Variants in HMCN1 observed in about 807,000 individuals in gnomAD.
The protein encoded by HMCN1 is hemicentin 1, also known as hemicentin-1.
In HMCN1, 321 loss-of-function variants were observed where a neutral mutation model predicts 625.9. The ratio of observed to expected loss-of-function variants is 0.51; its 90% confidence interval spans 0.47 to 0.56. The LOEUF (loss-of-function observed/expected upper bound fraction) is 0.56, where lower values mean the gene tolerates loss of function less well. Ranked by LOEUF, HMCN1 falls within the 20% of genes least tolerant of loss-of-function variation. The pLI is 0.00. For missense variants in HMCN1, 6,588 were observed against 6,887.3 expected (o/e 0.96, Z 1.54); for synonymous variants, 2,425 against 2,417.6 (o/e 1.00, Z -0.09).
chr1:186,166,717 C>CT, intron 99 of HMCN1, 91 bp from the exon 100 acceptor site: 1 of 1,579,486 alleles, frequency 6.3e-7, no homozygotes, highest in Non-Finnish European at 8.7e-7. Flanking sequence ...TTCAAGGGTC[C>CT]TTCACTGCTT....
intron 46 of HMCN1, among the ~76,000 whole-genome samples, chr1:186,060,711 G>C (rs1480514027): frequency 1.3e-5 from 2 of 152,110 alleles, no homozygotes. Flanking sequence ...AAAGCTGGTA[G>C]TCTTCATTCT....
In HMCN1 at chr1:186,063,067, C is replaced by CATATATATATATATAT. The variant is rs775036108; in HGVS notation, c.7513+488_7513+503dup. On this transcript the variant is annotated intron_variant, in intron 48 of 106. Coordinates refer to ENST00000271588, the MANE Select transcript of HMCN1 (RefSeq NM_031935.3). ...GTGTGTGTGTGTGTGTGTGTGTGTGCATATATATATATATATATATATATA... is the reference window on the plus strand; with the variant it reads ...GTGTGTGTGTGTGTGTGTGTGTGTGCATATATATATATATATATATATATATATATATATATATATA... 4.0e-3 allele frequency among the ~76,000 whole-genome samples: 242 copies of CATATATATATATATAT among 59,798 alleles called. 13 individuals carry two copies. Among genetic ancestry groups the CATATATATATATATAT allele is most frequent in the African/African-American group, 9.4e-3 (98 of 10,456 alleles). 39.2% of individuals were successfully genotyped at this position (59,798 alleles called of 152,430 possible).
At position 186,067,935 on chromosome 1, in the gene HMCN1, C is replaced by T; in HGVS notation, c.7807C>T (p.Pro2603Ser). The T allele has an allele frequency of 1.2e-6, 2 of 1,613,282 alleles. No individual in the cohort carries two copies. The highest frequency in any genetic ancestry group is 1.7e-6 in the Non-Finnish European group (2 of 1,179,294). Reference protein sequence around the residue: ...TSLVCEAYSYPPATITWFKDG... With the variant: ...TSLVCEAYSYSPATITWFKDG... ...TTTGGTCTGTGAAGCTTATTCATAT[C>T]CTCCAGCTACCATCACCTGGTTTAA... Residue 2603 changes from proline (P) to serine (S), a missense_variant, in exon 50 of 107, where the codon CCT becomes TCT. By Grantham distance (74) the Pro-to-Ser change is moderately conservative. Coordinates refer to ENST00000271588, the MANE Select transcript of HMCN1 (RefSeq NM_031935.3).
chr1:186,187,786 A>G (rs1653437627), intron 105 of HMCN1, 97 bp from the exon 106 acceptor site: 1 of 1,500,336 alleles, frequency 6.7e-7, no homozygotes, highest in East Asian at 2.3e-5. Flanking sequence ...GGAGAAGGCT[A>G]GCCCTCCACA....
chr1:186,108,533 AATGCAAGTCAG>A lies in HMCN1; in HGVS notation c.10931_10941del (p.Lys3644SerfsTer36), dbSNP rs1325661658. 24 of 1,614,142 alleles carry A rather than the reference AATGCAAGTCAG, an allele frequency of 1.5e-5. No individual in the cohort carries two copies. Among genetic ancestry groups the A allele is most frequent in the Non-Finnish European group, 2.0e-5 (24 of 1,180,014 alleles). The stretch of plus-strand genomic sequence containing the variant: ...TTACGGAACAGACAAGTGACATTGG[AATGCAAGTCAG>A]ATGCAGTGCCCCCACCTGTAATTAC... On this transcript the variant is annotated frameshift_variant, in exon 71 of 107. Coordinates refer to ENST00000271588, the MANE Select transcript of HMCN1 (RefSeq NM_031935.3). LOFTEE classifies it high-confidence loss of function.
chr1:185,931,449 T>C (rs546347183), intron 10 of HMCN1, among the ~76,000 whole-genome samples: 3 of 152,312 alleles, frequency 2.0e-5, no homozygotes, highest in South Asian at 4.1e-4. Context: ...GTGTATAATA[T>C]TTATTGTCTT....
chr1:185,933,919 T>A, intron 11 of HMCN1, 95 bp downstream of exon 11: 9 of 917,728 alleles, frequency 9.8e-6, no homozygotes, highest in Non-Finnish European at 1.6e-5. Flanking sequence ...AGAGTGAGAG[T>A]ATCTACCCAA....
rs183383010 is a variant in HMCN1, at chr1:185,970,822, C to A, written c.2371+329C>A. Among the ~76,000 whole-genome samples the A allele has an allele frequency of 5.9e-5, 9 of 152,076 alleles. No homozygotes were observed. In the East Asian group the frequency reaches 1.7e-3, roughly 30 times the overall value. On this transcript the variant is annotated intron_variant, in intron 15 of 106. Transcript: ENST00000271588. ...TGCAGGCGCCTGCCACCATGCCCAG[C>A]TATTTTTTTGTATTTTTAGTAGAGG...
chr1:185,888,819 A>G (rs1664849621), intron 4 of HMCN1, among the ~76,000 whole-genome samples: 1 of 145,284 alleles, frequency 6.9e-6, no homozygotes, highest in African/African-American at 2.8e-5. Context: ...TATGAACTTT[A>G]AAGTAGTTTT....
At chr1:185,941,520 T>C (rs1356851398) in intron 11 of HMCN1, among the ~76,000 whole-genome samples, 2 of 152,184 alleles carry the variant, frequency 1.3e-5, no homozygotes, top group East Asian at 3.9e-4. Flanking sequence ...GTCCTTTAAA[T>C]TCTTTCTGAA....
At chr1:186,087,744 G>T (rs1571333694) in intron 60 of HMCN1, 99 bp downstream of exon 60, 4 of 1,294,356 alleles carry the variant, frequency 3.1e-6, no homozygotes, top group Middle Eastern at 1.8e-4. Context: ...AGTGAAAAAT[G>T]ATTTTCATTA....
chr1:186,156,191 T>G (rs1216074081), intron 97 of HMCN1, among the ~76,000 whole-genome samples: 2 of 152,156 alleles, frequency 1.3e-5, no homozygotes, highest in African/African-American at 4.8e-5. Context: ...CAGGAATATA[T>G]AAATTTAACT....
chr1:186,162,977 C>CTG (rs1347344542), intron 97 of HMCN1, among the ~76,000 whole-genome samples: 2 of 152,174 alleles, frequency 1.3e-5, no homozygotes, highest in African/African-American at 2.4e-5. Context: ...GAGGTTATTG[C>CTG]TCTTTTTGTT....
intron 3 of HMCN1, among the ~76,000 whole-genome samples, chr1:185,865,261 A>G (rs890254789): frequency 1.3e-5 from 2 of 152,204 alleles, no homozygotes; most frequent in African/African-American, 4.8e-5. Context: ...AAATGGAAAT[A>G]CACAAGCCCT....
chr1:186,076,370 C>T, intron 53 of HMCN1, 58 bp from the exon 54 acceptor site: 1 of 1,488,636 alleles, frequency 6.7e-7, no homozygotes, highest in African/African-American at 1.4e-5. Context: ...GAAAACACAG[C>T]CAAGATCTTT....
intron 1 of HMCN1, among the ~76,000 whole-genome samples, chr1:185,746,605 C>CTTTTT (rs59992589): frequency 7.6e-6 from 1 of 132,354 alleles, no homozygotes; most frequent in African/African-American, 2.9e-5. Context: ...TTTCCTTTTC[C>CTTTTT]TTTTTTTTTT....
In HMCN1 at chr1:186,178,318, T is replaced by A. The variant is rs1652724238; in HGVS notation, c.15944-98T>A. On this transcript the variant is annotated intron_variant, in intron 103 of 106. Transcript: ENST00000271588. ...TGCCTGGCTTTGGAGGGTAACAATG[T>A]CTTCAGTTTGTTTCACAGACTCATT... 3.4e-6 allele frequency: 3 copies of A among 886,264 alleles called. No homozygotes were observed. The African/African-American group carries it at 5.0e-5, about 15-fold the overall frequency. The allele number at this position is 886,264 out of a possible 1,614,324, so 54.9% of individuals were successfully genotyped here.
At chr1:185,850,288 C>T (rs1432724691) in intron 2 of HMCN1, among the ~76,000 whole-genome samples, 1 of 152,038 alleles carries the variant, frequency 6.6e-6, no homozygotes, top group African/African-American at 2.4e-5. Flanking sequence ...AAAACCTAAC[C>T]ATCAGTTTTT....
At chr1:185,850,323 G>GC (rs1476419714) in intron 2 of HMCN1, among the ~76,000 whole-genome samples, 1 of 152,124 alleles carries the variant, frequency 6.6e-6, no homozygotes, top group African/African-American at 2.4e-5. Flanking sequence ...AATCAGAAGG[G>GC]CCAAGTAATG....
Sources: gnomAD v4.1 joint callset for allele counts (sites outside exome capture counted in the v4.1 genomes callset) on GRCh38, gnomAD v4.1.1 for gene constraint, MANE v1.5 for transcripts, NCBI Gene and HGNC (gene_info 2026-07-23, HGNC 2026-07-21) for gene names.